PLEKHB1: variants seen among roughly 807,000 people sequenced by gnomAD.
PLEKHB1 encodes pleckstrin homology domain-containing family B member 1.
A neutral mutation model predicts 36.2 loss-of-function variants in PLEKHB1; 29 were observed. That is an observed-to-expected ratio of 0.80 (90% CI 0.60 to 1.09). PLEKHB1 has a LOEUF of 1.09. PLEKHB1 is among the 50% of genes least tolerant of loss of function. The pLI is 0.00. For missense variants in PLEKHB1, 330 were observed against 348.2 expected (o/e 0.95, Z 0.42); for synonymous variants, 138 against 140.0 (o/e 0.99, Z 0.10).
intron 1 of PLEKHB1, chr11:73,648,784 G>T (rs1332966547): frequency 1.5e-6 from 2 of 1,293,270 alleles, no homozygotes; most frequent in Non-Finnish European, 2.0e-6. Context: ...CCAGGCTCCT[G>T]GTCCCCACCC....
intron 6 of PLEKHB1, among the ~76,000 whole-genome samples, chr11:73,660,058 T>G (rs376527204): frequency 2.0e-5 from 3 of 152,370 alleles, no homozygotes; most frequent in East Asian, 1.9e-4. Flanking sequence ...CATTACATTT[T>G]CTACATTTAT....
Position 73,661,407 on chromosome 11 carries a change from C to G in PLEKHB1, c.596-59C>G. Reference sequence around the variant, plus strand: ...GGGCTGGAGTGATGCAGGAAGGGTACGAAGATCACTCTACTCCCTCCTAAG... The same window carrying G: ...GGGCTGGAGTGATGCAGGAAGGGTAGGAAGATCACTCTACTCCCTCCTAAG... On this transcript the variant is annotated intron_variant, in intron 7 of 7. Transcript: ENST00000354190. The surrounding 1 kb of genome is among the most constrained non-coding windows in gnomAD (Gnocchi z 4.6). 2 of 1,586,790 alleles carry G rather than the reference C, an allele frequency of 1.3e-6. No homozygotes were observed. Among genetic ancestry groups the G allele is most frequent in the Non-Finnish European group, 1.7e-6 (2 of 1,157,144 alleles).
At chr11:73,652,931 C>A in intron 4 of PLEKHB1, 44 bp from the exon 5 acceptor site, 1 of 1,567,868 alleles carries the variant, frequency 6.4e-7, no homozygotes, top group Non-Finnish European at 8.7e-7. Context: ...AATTCACCCA[C>A]CCCCAAACTC....
intron 1 of PLEKHB1, among the ~76,000 whole-genome samples, chr11:73,648,530 C>T (rs1425975908): frequency 6.6e-6 from 1 of 152,182 alleles, no homozygotes; most frequent in Non-Finnish European, 1.5e-5. Context: ...GAGCTTTTCC[C>T]TCATCCATTG....
chr11:73,652,902 G>C, intron 4 of PLEKHB1, 73 bp from the exon 5 acceptor site: 1 of 1,345,038 alleles, frequency 7.4e-7, no homozygotes. Context: ...GGAGAGGAAA[G>C]TCTAAAATGT....
intron 1 of PLEKHB1, 89 bp downstream of exon 1, chr11:73,646,715 GCCC>G: frequency 1.5e-6 from 2 of 1,379,120 alleles, no homozygotes; most frequent in Admixed American, 4.0e-5. Flanking sequence ...AGTCTTTTAG[GCCC>G]TGACATCCTC....
chr11:73,653,135 A>C, intron 5 of PLEKHB1, 121 bp downstream of exon 5: 1 of 1,016,056 alleles, frequency 9.8e-7, no homozygotes, highest in Non-Finnish European at 1.5e-6. Context: ...GGTTTCTGCA[A>C]ACTCTGATGC....
intron 1 of PLEKHB1, chr11:73,648,424 G>C (rs1246872941): frequency 6.3e-6 from 1 of 159,480 alleles, no homozygotes; most frequent in Admixed American, 6.5e-5. Context: ...GCACTGATAG[G>C]GGGTACCCGG....
intron 3 of PLEKHB1, 198 bp from the exon 4 acceptor site, chr11:73,651,589 AG>A: frequency 1.5e-6 from 1 of 665,604 alleles, no homozygotes; most frequent in Non-Finnish European, 2.8e-6. Context: ...AGGTGTGCTG[AG>A]GGAAGCCTCA....
intron 5 of PLEKHB1, 143 bp downstream of exon 5, chr11:73,653,157 G>A: frequency 5.8e-6 from 5 of 864,852 alleles, no homozygotes; most frequent in Non-Finnish European, 9.0e-6. Context: ...TGAGTCCCAA[G>A]TGTTCGGGGA....
At chr11:73,657,910 T>C (rs1210479158) in intron 6 of PLEKHB1, among the ~76,000 whole-genome samples, 1 of 152,224 alleles carries the variant, frequency 6.6e-6, no homozygotes, top group African/African-American at 2.4e-5. Flanking sequence ...CTTGGGACTA[T>C]ATGTTTTCCC....
At chr11:73,654,985 C>T (rs1347041495) in intron 5 of PLEKHB1, among the ~76,000 whole-genome samples, 1 of 152,142 alleles carries the variant, frequency 6.6e-6, no homozygotes, top group Non-Finnish European at 1.5e-5. Context: ...AAGGAGGCTA[C>T]AGCAGTAGTC....
At position 73,651,850 on chromosome 11, in the gene PLEKHB1, G is replaced by T; in HGVS notation, c.310G>T (p.Gly104Cys). Reference protein sequence around the residue: ...GLLTVNLREGGRLHLCAETKD... With the variant: ...GLLTVNLREGCRLHLCAETKD... ...GCTGACTGTGAACCTACGGGAAGGC[G>T]GCCGCCTGCACCTCTGTGCGGAGAC... Residue 104 changes from glycine (G) to cysteine (C), a missense_variant, in exon 4 of 8, where the codon GGC becomes TGC. Physicochemically the swap from Gly to Cys is radical, Grantham distance 159 (BLOSUM62 -3). Transcript: ENST00000354190. The T allele has an allele frequency of 6.2e-7, 1 of 1,613,618 alleles. No homozygotes were observed. Among genetic ancestry groups the T allele is most frequent in the Middle Eastern group, 1.6e-4 (1 of 6,062 alleles).
chr11:73,653,006 TCCACC>T lies in PLEKHB1; in HGVS notation c.385_389del (p.Thr129GlyfsTer29). 1.2e-6 allele frequency: 2 copies of T among 1,609,520 alleles called. No homozygotes were observed. Among genetic ancestry groups the T allele is most frequent in the Non-Finnish European group, 1.7e-6 (2 of 1,176,872 alleles). On this transcript the variant is annotated frameshift_variant, in exon 5 of 8. Coordinates refer to ENST00000354190, the MANE Select transcript of PLEKHB1 (RefSeq NM_021200.3). LOFTEE classifies it high-confidence loss of function. ...GAAGACAGCACTGCTGGAGGCAAAC[TCCACC>T]CCGGTGAGTCTCCCGTTCTCTCCCC...
chr11:73,646,683 G>A, intron 1 of PLEKHB1, 57 bp downstream of exon 1: 1 of 1,532,854 alleles, frequency 6.5e-7, no homozygotes, highest in African/African-American at 1.4e-5. Flanking sequence ...GGGCACCCTT[G>A]CCACATAGGG....
At chr11:73,660,913 AG>A (rs1565334767) in intron 7 of PLEKHB1, 61 bp downstream of exon 7, 1 of 1,457,706 alleles carries the variant, frequency 6.9e-7, no homozygotes, top group Non-Finnish European at 9.4e-7. Flanking sequence ...CGCCAGGCCC[AG>A]CCCACGGTCC....
At chr11:73,657,046 A>C (rs760756247) in intron 6 of PLEKHB1, among the ~76,000 whole-genome samples, 1 of 152,204 alleles carries the variant, frequency 6.6e-6, no homozygotes, top group South Asian at 2.1e-4. Context: ...AGGCTGAGGC[A>C]GGAGAATGGC....
chr11:73,659,599 A>G (rs546583679), intron 6 of PLEKHB1, among the ~76,000 whole-genome samples: 75 of 152,198 alleles, frequency 4.9e-4, no homozygotes, highest in South Asian at 1.0e-3. Flanking sequence ...GCCAGGAGAA[A>G]GGATAGCAAC....
At chr11:73,655,054 T>C (rs1944965396) in intron 5 of PLEKHB1, among the ~76,000 whole-genome samples, 1 of 152,092 alleles carries the variant, frequency 6.6e-6, no homozygotes. Context: ...AGCCTCTTTA[T>C]GTGGGGCAAG....
Sources: gnomAD v4.1 joint callset for allele counts (sites outside exome capture counted in the v4.1 genomes callset) on GRCh38, gnomAD v4.1.1 for gene constraint, Gnocchi (gnomAD v3.1) non-coding constraint, MANE v1.5 for transcripts, NCBI Gene and HGNC (gene_info 2026-07-23, HGNC 2026-07-21) for gene names.